The following ADCY5 variants were observed in gnomAD, a reference collection of about 807,000 sequenced individuals.
ADCY5 encodes adenylate cyclase type 5.
Under a neutral mutation model 119.7 loss-of-function variants are expected in ADCY5, and 30 were observed. The observed-to-expected ratio is 0.25, with a 90% CI of 0.19 to 0.34. ADCY5 has a LOEUF of 0.34. Among genes scored for constraint, ADCY5 ranks in the 10% least tolerant of loss-of-function variants. The pLI is 1.00. For synonymous variants in ADCY5, 753 were observed against 762.2 expected (o/e 0.99, Z 0.20); for missense variants, 1,324 against 1,775.2 (o/e 0.75, Z 4.57).
At chr3:123,434,239 C>T (rs746991428) in intron 1 of ADCY5, among the ~76,000 whole-genome samples, 3 of 152,194 alleles carry the variant, frequency 2.0e-5, no homozygotes, top group Admixed American at 6.5e-5. Flanking sequence ...TGAATGGGGT[C>T]GGTTCACCTC....
chr3:123,390,505 T>C (rs1467332912), intron 1 of ADCY5, among the ~76,000 whole-genome samples: 1 of 152,226 alleles, frequency 6.6e-6, no homozygotes, highest in African/African-American at 2.4e-5. Context: ...TAAAATGGTT[T>C]TGAGCTTTCT....
intron 1 of ADCY5, among the ~76,000 whole-genome samples, chr3:123,399,146 C>A (rs1440820832): frequency 6.6e-6 from 1 of 152,182 alleles, no homozygotes. Context: ...GAGCTCTCTG[C>A]AATGCTGGAA....
At chr3:123,358,084 C>T (rs1943102083) in intron 1 of ADCY5, among the ~76,000 whole-genome samples, 1 of 152,040 alleles carries the variant, frequency 6.6e-6, no homozygotes, top group Non-Finnish European at 1.5e-5. Flanking sequence ...AGCAGGTAAA[C>T]AGGGCCTAAT....
At chr3:123,343,102 T>C (rs2108458406) in intron 3 of ADCY5, among the ~76,000 whole-genome samples, 1 of 152,340 alleles carries the variant, frequency 6.6e-6, no homozygotes, top group South Asian at 2.1e-4. Flanking sequence ...ATTAATACCC[T>C]GTGAAGTCTG....
chr3:123,438,273 T>C (rs538863470), intron 1 of ADCY5, among the ~76,000 whole-genome samples: 1 of 152,296 alleles, frequency 6.6e-6, no homozygotes, highest in African/African-American at 2.4e-5. Context: ...GGCAAATTCT[T>C]ATACCCATTA....
chr3:123,365,469 G>C (rs1943401201), intron 1 of ADCY5, among the ~76,000 whole-genome samples: 1 of 152,182 alleles, frequency 6.6e-6, no homozygotes, highest in Non-Finnish European at 1.5e-5. Context: ...GCCTGGGAGA[G>C]GCTGGAGCTC....
At chr3:123,316,122 G>A (rs937175298) in intron 11 of ADCY5, among the ~76,000 whole-genome samples, 1 of 152,102 alleles carries the variant, frequency 6.6e-6, no homozygotes, top group Non-Finnish European at 1.5e-5. Flanking sequence ...TTGACACCAT[G>A]TACCTCCTGC....
At chr3:123,350,550 G>C (rs1942787487) in intron 2 of ADCY5, among the ~76,000 whole-genome samples, 2 of 152,212 alleles carry the variant, frequency 1.3e-5, no homozygotes, top group Admixed American at 6.5e-5. Context: ...AGGGCCAGGA[G>C]GGGTGGGCAG....
chr3:123,439,993 T>G (rs1945695571), intron 1 of ADCY5, among the ~76,000 whole-genome samples: 1 of 152,222 alleles, frequency 6.6e-6, no homozygotes, highest in South Asian at 2.1e-4. Flanking sequence ...TGCTCAGAGT[T>G]TAGGATTACA....
In ADCY5 at chr3:123,322,495, C is replaced by G. The variant is rs1278865280; in HGVS notation, c.2089-1724G>C. On this transcript the variant is annotated intron_variant, in intron 8 of 20. Coordinates refer to ENST00000462833, the MANE Select transcript of ADCY5 (RefSeq NM_183357.3). ...CCAGGTCGGCATGGCGAGTTGGTAA[C>G]AGTACAGAAAATATACTGGTACACA... Among the ~76,000 whole-genome samples the G allele has an allele frequency of 2.6e-5, 4 of 152,118 alleles. No homozygotes were observed. The East Asian group carries it at 7.7e-4, about 29-fold the overall frequency.
chr3:123,376,620 T>C lies in ADCY5; in HGVS notation c.1135-24039A>G, dbSNP rs551503373. 6.6e-5 allele frequency among the ~76,000 whole-genome samples: 10 copies of C among 152,272 alleles called. No individual in the cohort carries two copies. In the South Asian group the frequency reaches 2.1e-3, roughly 32 times the overall value. On this transcript the variant is annotated intron_variant, in intron 1 of 20. Transcript: ENST00000462833. ...CAATGGGCCACCCTCCTACTATGTG[T>C]GTGCCCACAGAGGCCCAAAATAAAT...
At chr3:123,373,771 C>T (rs1181800939) in intron 1 of ADCY5, among the ~76,000 whole-genome samples, 1 of 38,534 alleles carries the variant, frequency 2.6e-5, no homozygotes, top group Non-Finnish European at 5.1e-5. Context: ...CCCCCCCCCC[C>T]GACCCCCCCG....
At chr3:123,332,296 G>A (rs369489417) in intron 4 of ADCY5, among the ~76,000 whole-genome samples, 1 of 151,946 alleles carries the variant, frequency 6.6e-6, no homozygotes, top group Non-Finnish European at 1.5e-5. Flanking sequence ...TCCAAGGATG[G>A]GGGGCATGGA....
At chr3:123,295,411 C>T (rs1049625498) in intron 17 of ADCY5, among the ~76,000 whole-genome samples, 2 of 152,212 alleles carry the variant, frequency 1.3e-5, no homozygotes, top group African/African-American at 4.8e-5. Flanking sequence ...CTCTTGGGCA[C>T]TCCCTCCTGG....
In ADCY5 at chr3:123,323,555, C is replaced by G. The variant is rs560025548; in HGVS notation, c.2088+1767G>C. 6.6e-5 allele frequency among the ~76,000 whole-genome samples: 10 copies of G among 152,236 alleles called. No homozygotes were observed. In the South Asian group the frequency reaches 2.1e-3, roughly 32 times the overall value. On this transcript the variant is annotated intron_variant, in intron 8 of 20. Transcript: ENST00000462833. ...TCCTCCCCATCTCCCTGCCCTACTC[C>G]CCAGCTTCCCCTCCACTTCCTGCTC...
At chr3:123,301,937 G>A (rs1278953916) in intron 14 of ADCY5, among the ~76,000 whole-genome samples, 2 of 152,106 alleles carry the variant, frequency 1.3e-5, no homozygotes, top group Non-Finnish European at 2.9e-5. Context: ...GCGGGGGTGG[G>A]GCTGCACCTG....
chr3:123,441,953 C>T (rs1945731155), intron 1 of ADCY5, among the ~76,000 whole-genome samples: 1 of 146,986 alleles, frequency 6.8e-6, no homozygotes, highest in African/African-American at 2.5e-5. Context: ...CTTCCCTGTC[C>T]TACATTTGGA....
At chr3:123,408,846 G>T (rs2107620463) in intron 1 of ADCY5, among the ~76,000 whole-genome samples, 1 of 151,584 alleles carries the variant, frequency 6.6e-6, no homozygotes, top group South Asian at 2.1e-4. Context: ...TGTGGTGGCA[G>T]GTGGCTGTAA....
At position 123,311,438 on chromosome 3, in the gene ADCY5, G is replaced by A. The variant is rs561649619; in HGVS notation, c.2442+2797C>T. On this transcript the variant is annotated intron_variant, in intron 12 of 20. Coordinates refer to ENST00000462833, the MANE Select transcript of ADCY5 (RefSeq NM_183357.3). ...GTTCCCCGCCATGCACATGGCAGGA[G>A]GTAGAGCCAGGGAGACGCTCCTTTC... Among the ~76,000 whole-genome samples, 8 of 152,320 alleles carry A rather than the reference G, an allele frequency of 5.3e-5. No individual in the cohort carries two copies. In the South Asian group the frequency reaches 1.5e-3, roughly 28 times the overall value.
Sources: gnomAD v4.1 joint callset for allele counts (sites outside exome capture counted in the v4.1 genomes callset) on GRCh38, gnomAD v4.1.1 for gene constraint, MANE v1.5 for transcripts, NCBI Gene and HGNC (gene_info 2026-07-23, HGNC 2026-07-21) for gene names.